The following RASA3 variants were observed in gnomAD, a reference collection of about 807,000 sequenced individuals.
The protein encoded by RASA3 is RAS p21 protein activator 3.
RASA3 carries 73 observed loss-of-function variants against 110.0 expected under a neutral mutation model. The ratio of observed to expected loss-of-function variants is 0.66; its 90% CI spans 0.55 to 0.81. The LOEUF (loss-of-function observed/expected upper bound fraction) is 0.81. RASA3 is among the 30% of genes least tolerant of loss of function. The pLI, the probability that RASA3 is intolerant of heterozygous loss-of-function variation, is 0.00. For missense variants in RASA3, 976 were observed against 1,113.2 expected (o/e 0.88, Z 1.75); for synonymous variants, 500 against 451.4 (o/e 1.11, Z -1.37).
chr13:114,089,535 C>T (rs1230228073), intron 1 of RASA3, among the ~76,000 whole-genome samples: 1 of 152,074 alleles, frequency 6.6e-6, no homozygotes, highest in African/African-American at 2.4e-5. Flanking sequence ...CTGCTCCCAG[C>T]TGCAGAAGAG....
rs1252351191 is a variant in RASA3 at position 114,007,609 on chromosome 13, A to G, written c.1669-3T>C. ...GAGGACGAAATCAGATCCAAGAACT[A>G]AAGTTGGAAGAAATCAGGTCACCGG... On this transcript the variant is annotated splice_polypyrimidine_tract_variant and splice_region_variant and intron_variant, in intron 17 of 23. Coordinates refer to ENST00000334062, the MANE Select transcript of RASA3 (RefSeq NM_007368.4). 1.2e-6 allele frequency: 2 copies of G among 1,610,980 alleles called. No individual in the cohort carries two copies. Among genetic ancestry groups the G allele is most frequent in the Non-Finnish European group, 1.7e-6 (2 of 1,177,808 alleles).
intron 4 of RASA3, 35 bp downstream of exon 4, chr13:114,040,965 G>C: frequency 6.2e-7 from 1 of 1,604,592 alleles, no homozygotes; most frequent in Non-Finnish European, 8.5e-7. Context: ...GGTGTCCCAG[G>C]GCTCTGGTTT....
At chr13:114,066,972 GC>G (rs370816129) in intron 2 of RASA3, among the ~76,000 whole-genome samples, 1 of 149,646 alleles carries the variant, frequency 6.7e-6, no homozygotes, top group African/African-American at 2.5e-5. Flanking sequence ...CTGAGGACAG[GC>G]CCCCCTACCT....
intron 2 of RASA3, among the ~76,000 whole-genome samples, chr13:114,058,858 T>G (rs1316277398): frequency 6.6e-6 from 1 of 152,210 alleles, no homozygotes; most frequent in African/African-American, 2.4e-5. Context: ...AAGTGGGAGT[T>G]GAAGGCCAGA....
intron 2 of RASA3, among the ~76,000 whole-genome samples, chr13:114,052,986 G>A (rs1566531319): frequency 1.9e-5 from 2 of 106,686 alleles, no homozygotes; most frequent in Admixed American, 9.5e-5. Context: ...ACTGTGCGTA[G>A]AGTCCTCGCT....
chr13:114,074,781 G>A (rs1316068798), intron 1 of RASA3, among the ~76,000 whole-genome samples: 1 of 152,190 alleles, frequency 6.6e-6, no homozygotes, highest in Non-Finnish European at 1.5e-5. Context: ...CCGTGATCCC[G>A]GACTCCTTGT....
intron 19 of RASA3, among the ~76,000 whole-genome samples, chr13:113,999,955 TGG>T (rs1242875481): frequency 6.7e-5 from 1 of 14,822 alleles, no homozygotes; most frequent in Non-Finnish European, 1.1e-4. Context: ...GGGTCTCTGC[TGG>T]GGGGGGGTCT....
intron 8 of RASA3, among the ~76,000 whole-genome samples, chr13:114,022,881 T>C (rs1204579397): frequency 6.6e-6 from 1 of 152,316 alleles, no homozygotes; most frequent in East Asian, 1.9e-4. Context: ...TGTGAGTCCC[T>C]GGGGAGGCAG....
rs1332503473 is a variant in RASA3 at position 114,011,366 on chromosome 13, C to T, written c.1513-118G>A. On this transcript the variant is annotated intron_variant, in intron 15 of 23. Coordinates refer to ENST00000334062, the MANE Select transcript of RASA3 (RefSeq NM_007368.4). The surrounding 1 kb of genome is among the most constrained non-coding windows in gnomAD (Gnocchi z 4.8). ...AGAGCTGCTGTGGCTTGTGCATGAG[C>T]TACGGAGAAACAGGGGTAGCGACGC... 2 of 901,812 alleles carry T rather than the reference C, an allele frequency of 2.2e-6. No homozygotes were observed. The highest frequency in any genetic ancestry group is 3.5e-6 in the Non-Finnish European group (2 of 564,058). The allele number at this position is 901,812 out of a possible 1,614,324, so 55.9% of individuals were successfully genotyped here. A position where few individuals can be genotyped will look rare whatever the true frequency, so the allele number is the denominator to read the frequency against.
chr13:114,082,465 C>T (rs377624480), intron 1 of RASA3, among the ~76,000 whole-genome samples: 9 of 152,246 alleles, frequency 5.9e-5, no homozygotes, highest in East Asian at 1.9e-4. Flanking sequence ...TTCCTGATCA[C>T]GGACAGTGGG....
chr13:114,081,490 T>G (rs1301470720), intron 1 of RASA3, among the ~76,000 whole-genome samples: 1 of 152,208 alleles, frequency 6.6e-6, no homozygotes. Flanking sequence ...TGGTCTACAA[T>G]GAGCCGCTGG....
intron 1 of RASA3, among the ~76,000 whole-genome samples, chr13:114,117,051 G>C (rs2080290677): frequency 7.3e-6 from 1 of 137,354 alleles, no homozygotes; most frequent in Non-Finnish European, 1.5e-5. Context: ...GTGCACGTGT[G>C]TGAGGGGTGC....
intron 2 of RASA3, among the ~76,000 whole-genome samples, chr13:114,055,017 C>G (rs1253139822): frequency 2.0e-5 from 3 of 151,616 alleles, no homozygotes; most frequent in Non-Finnish European, 2.9e-5. Flanking sequence ...TGCGTGTGCC[C>G]ACAGGCATGT....
chr13:113,997,838 G>C (rs2053290697), intron 20 of RASA3, among the ~76,000 whole-genome samples: 1 of 152,124 alleles, frequency 6.6e-6, no homozygotes, highest in Admixed American at 6.5e-5. Context: ...CCAGGTTTCT[G>C]GTGAACAGCT....
intron 1 of RASA3, among the ~76,000 whole-genome samples, chr13:114,123,399 G>T (rs1389884342): frequency 6.6e-6 from 1 of 152,236 alleles, no homozygotes; most frequent in African/African-American, 2.4e-5. Flanking sequence ...AAGATTTAGG[G>T]GTGCACGCAA....
chr13:114,122,800 A>C (rs2080396577), intron 1 of RASA3, among the ~76,000 whole-genome samples: 1 of 131,926 alleles, frequency 7.6e-6, no homozygotes, highest in East Asian at 1.9e-4. Context: ...GGTCGGCCCC[A>C]GCCCTGACTC....
intron 6 of RASA3, 69 bp downstream of exon 6, chr13:114,027,778 T>C: frequency 6.7e-7 from 1 of 1,482,086 alleles, no homozygotes; most frequent in African/African-American, 1.4e-5. Context: ...GGCAGTGGTC[T>C]CGTGATTTCA....
chr13:114,029,963 A>G, intron 4 of RASA3, 76 bp from the exon 5 acceptor site: 1 of 1,388,968 alleles, frequency 7.2e-7, no homozygotes, highest in Non-Finnish European at 9.9e-7. Flanking sequence ...CGCCCAGGGA[A>G]AGCCTAGAGG....
intron 2 of RASA3, 80 bp from the exon 3 acceptor site, chr13:114,052,235 A>T: frequency 1.1e-6 from 1 of 895,578 alleles, no homozygotes. Flanking sequence ...GTGTGGTCTT[A>T]GTTTTAAACA....
Sources: allele counts gnomAD v4.1 joint callset (sites outside exome capture counted in the v4.1 genomes callset), GRCh38; gene constraint gnomAD v4.1.1; non-coding constraint Gnocchi (gnomAD v3.1); transcripts MANE v1.5; gene names NCBI Gene and HGNC (gene_info 2026-07-23, HGNC 2026-07-21).